Variants in TAFA2 observed in about 807,000 individuals in gnomAD.
TAFA2 encodes TAFA chemokine like family member 2.
Under a neutral mutation model 18.8 loss-of-function variants are expected in TAFA2, and 7 were observed. The observed-to-expected ratio is 0.37, with a 90% CI of 0.21 to 0.70. The LOEUF is 0.70. Ranked by LOEUF, TAFA2 falls within the 30% of genes least tolerant of loss-of-function variation. The pLI, the probability that TAFA2 is intolerant of heterozygous loss-of-function variation, is 0.53. For synonymous variants in TAFA2, 60 were observed against 54.2 expected (o/e 1.11, Z -0.47); for missense variants, 122 against 158.1 (o/e 0.77, Z 1.23).
At chr12:62,221,845 A>G (rs2062764406) in intron 1 of TAFA2, among the ~76,000 whole-genome samples, 1 of 152,210 alleles carries the variant, frequency 6.6e-6, no homozygotes, top group Non-Finnish European at 1.5e-5. Flanking sequence ...CATTAAGGTA[A>G]AGAATTTATG....
chr12:61,882,230 A>C (rs1400399268), intron 1 of TAFA2, among the ~76,000 whole-genome samples: 2 of 152,210 alleles, frequency 1.3e-5, no homozygotes, highest in Non-Finnish European at 2.9e-5. Flanking sequence ...TAGCAGTGGC[A>C]CATAAAGATT....
intron 1 of TAFA2, among the ~76,000 whole-genome samples, chr12:61,902,786 C>A (rs1471600672): frequency 6.6e-6 from 1 of 152,134 alleles, no homozygotes; most frequent in Non-Finnish European, 1.5e-5. Context: ...AGTTAGGTAG[C>A]TAACAGGCAT....
At chr12:61,794,009 T>C (rs1299813235) in intron 2 of TAFA2, among the ~76,000 whole-genome samples, 12 of 151,916 alleles carry the variant, frequency 7.9e-5, no homozygotes, top group Admixed American at 7.9e-4. Flanking sequence ...TTCATGACTC[T>C]AAAAAATAAG....
At chr12:61,930,724 C>G (rs1877520872) in intron 1 of TAFA2, among the ~76,000 whole-genome samples, 1 of 152,334 alleles carries the variant, frequency 6.6e-6, no homozygotes, top group Admixed American at 6.5e-5. Flanking sequence ...TCATGTTCCT[C>G]AAGGCCTTGG....
At chr12:62,203,748 T>C (rs11609261) in intron 1 of TAFA2, among the ~76,000 whole-genome samples, 14,410 of 152,272 alleles carry the variant, frequency 0.095, 753 homozygotes, top group Middle Eastern at 0.18. Flanking sequence ...GAGCTCAGTC[T>C]CTTGAATACA....
intron 1 of TAFA2, among the ~76,000 whole-genome samples, chr12:61,941,797 G>C (rs1027009278): frequency 6.6e-6 from 1 of 152,188 alleles, no homozygotes; most frequent in Non-Finnish European, 1.5e-5. Flanking sequence ...GGCTCGGAGG[G>C]TCCTATGCCC....
intron 2 of TAFA2, among the ~76,000 whole-genome samples, chr12:61,859,263 G>A (rs1053911380): frequency 6.6e-6 from 1 of 152,132 alleles, no homozygotes; most frequent in African/African-American, 2.4e-5. Flanking sequence ...AAAACCATCA[G>A]ATCTCGTGAG....
At chr12:62,254,085 C>G (rs1218025750) in intron 1 of TAFA2, among the ~76,000 whole-genome samples, 1 of 152,110 alleles carries the variant, frequency 6.6e-6, no homozygotes, top group African/African-American at 2.4e-5. Flanking sequence ...AATTGTGTTT[C>G]TTTGATATGG....
chr12:62,135,767 A>C (rs1222992217), intron 1 of TAFA2: 1 of 152,094 alleles, frequency 6.6e-6, no homozygotes, highest in Non-Finnish European at 1.5e-5. Context: ...AAAGTAAAAA[A>C]AAATCATATT....
chr12:61,920,605 G>A (rs1218295396), intron 1 of TAFA2, among the ~76,000 whole-genome samples: 1 of 152,066 alleles, frequency 6.6e-6, no homozygotes, highest in Non-Finnish European at 1.5e-5. Flanking sequence ...ACAAGTTCTA[G>A]CCAGTTCTCT....
At chr12:62,114,493 G>A (rs2136869904) in intron 1 of TAFA2, among the ~76,000 whole-genome samples, 1 of 152,268 alleles carries the variant, frequency 6.6e-6, no homozygotes, top group Non-Finnish European at 1.5e-5. Flanking sequence ...GATTTATAAT[G>A]TGTAACAAAA....
chr12:61,805,359 T>C (rs2120985320), intron 2 of TAFA2, among the ~76,000 whole-genome samples: 1 of 152,186 alleles, frequency 6.6e-6, no homozygotes, highest in Middle Eastern at 3.4e-3. Context: ...ATTACCTCAT[T>C]CGTGATCCAA....
chr12:61,850,059 A>C, intron 2 of TAFA2, among the ~76,000 whole-genome samples: 1 of 152,284 alleles, frequency 6.6e-6, no homozygotes, highest in South Asian at 2.1e-4. Flanking sequence ...AGCATCCCCC[A>C]AAAGGGTGAG....
chr12:61,723,430 G>T (rs1288934178), intron 4 of TAFA2, among the ~76,000 whole-genome samples: 2 of 152,092 alleles, frequency 1.3e-5, no homozygotes, highest in African/African-American at 4.8e-5. Context: ...AAGGCGATAA[G>T]TAATTTCAGA....
chr12:61,853,586 C>A (rs1290135599), intron 2 of TAFA2, among the ~76,000 whole-genome samples: 1 of 152,140 alleles, frequency 6.6e-6, no homozygotes. Flanking sequence ...AAACTGGAAG[C>A]ATCACGTCCA....
chr12:62,138,927 A>C (rs562114651), intron 1 of TAFA2, among the ~76,000 whole-genome samples: 47 of 152,244 alleles, frequency 3.1e-4, no homozygotes, highest in Non-Finnish European at 6.6e-4. Flanking sequence ...TAAGTGCCAC[A>C]AGAATTAATA....
intron 2 of TAFA2, among the ~76,000 whole-genome samples, chr12:61,864,942 T>C (rs11174203): frequency 0.48 from 73,661 of 151,898 alleles, 17,967 homozygotes; most frequent in Admixed American, 0.55. Context: ...TACTAATTAA[T>C]TCACAATAAA....
chr12:61,869,771 C>G (rs964011803), intron 1 of TAFA2, among the ~76,000 whole-genome samples: 5 of 152,132 alleles, frequency 3.3e-5, no homozygotes, highest in Admixed American at 6.5e-5. Context: ...TGTTTCCTCT[C>G]TCAGCACTCC....
chr12:61,796,857 A>G (rs1871209014), intron 2 of TAFA2, among the ~76,000 whole-genome samples: 1 of 152,124 alleles, frequency 6.6e-6, no homozygotes, highest in African/African-American at 2.4e-5. Flanking sequence ...AATGGCATGG[A>G]GTCATGGTTA....
Sources: gnomAD v4.1 joint callset for allele counts (sites outside exome capture counted in the v4.1 genomes callset) on GRCh38, gnomAD v4.1.1 for gene constraint, MANE v1.5 for transcripts, NCBI Gene and HGNC (gene_info 2026-07-23, HGNC 2026-07-21) for gene names.